MCPH1: variants seen among roughly 807,000 people sequenced by gnomAD.
MCPH1 encodes microcephalin.
Under a neutral mutation model 84.5 loss-of-function variants are expected in MCPH1, and 104 were observed. The observed-to-expected ratio is 1.23, with a 90% CI of 1.05 to 1.45. The LOEUF is 1.45. MCPH1 is among the 40% of genes most tolerant of loss of function. The pLI, the probability that MCPH1 is intolerant of heterozygous loss-of-function variation, is 0.00. For synonymous variants in MCPH1, 514 were observed against 366.8 expected (o/e 1.40, Z -4.58); for missense variants, 1,498 against 1,005.7 (o/e 1.49, Z -6.62).
chr8:6,455,253 G>A lies in MCPH1; in HGVS notation c.1935+1G>A, dbSNP rs752837724. 3 of 1,595,986 alleles carry A rather than the reference G, an allele frequency of 1.9e-6. No homozygotes were observed. Among genetic ancestry groups the A allele is most frequent in the Non-Finnish European group, 2.6e-6 (3 of 1,163,680 alleles). ...GAAGAAAAGTGGGAGAGGCAAAAAG[G>A]TCAGTGTGTAAAAATATTATTTTAA... is the stretch of plus-strand genomic sequence containing the variant. On this transcript the variant is annotated splice_donor_variant, in intron 9 of 13. Transcript: ENST00000344683. LOFTEE classifies it high-confidence loss of function.
At chr8:6,592,364 C>T (rs1256864622) in intron 12 of MCPH1, among the ~76,000 whole-genome samples, 1 of 151,920 alleles carries the variant, frequency 6.6e-6, no homozygotes, top group Admixed American at 6.6e-5. Context: ...TCAGGGAGGT[C>T]TCAAACTCCT....
intron 12 of MCPH1, among the ~76,000 whole-genome samples, chr8:6,538,358 C>T (rs563280210): frequency 2.0e-5 from 3 of 152,338 alleles, no homozygotes; most frequent in South Asian, 2.1e-4. Context: ...TTGCTGGCCA[C>T]GCATCCCCCA....
At chr8:6,415,853 A>G (rs191096105) in intron 3 of MCPH1, among the ~76,000 whole-genome samples, 52 of 152,280 alleles carry the variant, frequency 3.4e-4, no homozygotes, top group Admixed American at 6.5e-4. Flanking sequence ...CAAAAACAAA[A>G]AAGGCAGCTG....
intron 12 of MCPH1, among the ~76,000 whole-genome samples, chr8:6,524,942 A>T (rs2442616): frequency 0.069 from 10,574 of 152,272 alleles, 428 homozygotes; most frequent in African/African-American, 0.1. Context: ...CTGTGTCACA[A>T]GGGCAGACAC....
intron 12 of MCPH1, among the ~76,000 whole-genome samples, chr8:6,589,743 A>G (rs1363410743): frequency 2.0e-5 from 3 of 152,250 alleles, no homozygotes; most frequent in Non-Finnish European, 4.4e-5. Flanking sequence ...ACGTGCTGCA[A>G]CCAAATACAT....
chr8:6,598,662 G>A (rs1311193406), intron 12 of MCPH1, among the ~76,000 whole-genome samples: 4 of 152,236 alleles, frequency 2.6e-5, no homozygotes, highest in East Asian at 1.9e-4. Context: ...AAAACCTCTC[G>A]TGTGAGCCGG....
chr8:6,423,067 C>T (rs1251814695), intron 3 of MCPH1, among the ~76,000 whole-genome samples: 5 of 151,532 alleles, frequency 3.3e-5, no homozygotes, highest in Non-Finnish European at 5.9e-5. Flanking sequence ...GTGATCCGCC[C>T]ACCTTGGCCT....
intron 11 of MCPH1, among the ~76,000 whole-genome samples, chr8:6,495,168 A>G (rs565279906): frequency 6.6e-6 from 1 of 152,290 alleles, no homozygotes; most frequent in Admixed American, 6.5e-5. Flanking sequence ...GTACCCTATT[A>G]TTTTGTTGTT....
chr8:6,507,434 TA>T (rs1813967892), intron 12 of MCPH1: 1 of 152,226 alleles, frequency 6.6e-6, no homozygotes, highest in East Asian at 1.9e-4. Context: ...GTTGCTACTT[TA>T]AATCTTTCAG....
At chr8:6,427,356 C>T (rs750177760) in intron 3 of MCPH1, among the ~76,000 whole-genome samples, 3 of 151,996 alleles carry the variant, frequency 2.0e-5, no homozygotes, top group Non-Finnish European at 2.9e-5. Context: ...TTTTTTGGAG[C>T]AACTGTATTA....
At chr8:6,514,580 T>G in intron 12 of MCPH1, 3 of 1,033,384 alleles carry the variant, frequency 2.9e-6, no homozygotes, top group Non-Finnish European at 3.0e-6. Context: ...TCAAAAGTCA[T>G]TGGTTAGTTT....
intron 12 of MCPH1, among the ~76,000 whole-genome samples, chr8:6,537,333 G>A (rs1294218591): frequency 3.9e-5 from 6 of 152,034 alleles, no homozygotes; most frequent in Non-Finnish European, 8.8e-5. Context: ...TGACACAGTC[G>A]GCAAAGTGTG....
chr8:6,413,296 T>G (rs1457182298), intron 2 of MCPH1, among the ~76,000 whole-genome samples: 4 of 152,014 alleles, frequency 2.6e-5, no homozygotes, highest in Non-Finnish European at 5.9e-5. Context: ...TGTGTCTCTA[T>G]CCTCTTCACC....
chr8:6,409,508 C>A, intron 2 of MCPH1, 138 bp downstream of exon 2: 1 of 715,382 alleles, frequency 1.4e-6, no homozygotes, highest in Non-Finnish European at 2.5e-6. Context: ...AAAAAAGAGC[C>A]AAAGTGTGAA....
intron 12 of MCPH1, among the ~76,000 whole-genome samples, chr8:6,539,194 G>C (rs142521533): frequency 6.6e-6 from 1 of 152,224 alleles, no homozygotes; most frequent in Non-Finnish European, 1.5e-5. Context: ...AGCCTGGGGG[G>C]TAGGCACAGT....
chr8:6,412,972 A>C (rs1173730491), intron 2 of MCPH1, among the ~76,000 whole-genome samples: 1 of 152,234 alleles, frequency 6.6e-6, no homozygotes, highest in African/African-American at 2.4e-5. Context: ...GCTACTTTCA[A>C]ATCATCTGTT....
In MCPH1 at chr8:6,502,869, G is replaced by A; in HGVS notation, c.2214+2940G>A. ...GCCTCGGGTTCATCTTTGCATAGGT[G>A]TTCTGTCTAATCACAATTATGGATG... On this transcript the variant is annotated intron_variant, in intron 12 of 13. Transcript: ENST00000344683. 5 of 516,436 alleles carry A rather than the reference G, an allele frequency of 9.7e-6. No individual in the cohort carries two copies. The South Asian group carries it at 1.5e-4, about 15-fold the overall frequency. 32.0% of individuals were successfully genotyped at this position (516,436 alleles called of 1,614,324 possible).
chr8:6,550,383 C>A (rs1032959475), intron 12 of MCPH1, among the ~76,000 whole-genome samples: 3 of 152,212 alleles, frequency 2.0e-5, no homozygotes, highest in African/African-American at 7.2e-5. Context: ...TAGGGCTGCA[C>A]CCAGACACGT....
chr8:6,599,203 C>G (rs995364268), intron 12 of MCPH1, among the ~76,000 whole-genome samples: 1 of 152,136 alleles, frequency 6.6e-6, no homozygotes, highest in African/African-American at 2.4e-5. Context: ...ACGTGATTAC[C>G]TAAAAGGAAT....
Sources: allele counts gnomAD v4.1 joint callset (sites outside exome capture counted in the v4.1 genomes callset), GRCh38; gene constraint gnomAD v4.1.1; transcripts MANE v1.5; gene names NCBI Gene and HGNC (gene_info 2026-07-23, HGNC 2026-07-21).